DOCK1: variants seen among roughly 807,000 people sequenced by gnomAD.
The protein encoded by DOCK1 is dedicator of cytokinesis protein 1.
A neutral mutation model predicts 262.7 loss-of-function variants in DOCK1; 138 were observed. The observed-to-expected ratio is 0.53, with a 90% confidence interval of 0.46 to 0.61. DOCK1 has a LOEUF of 0.61. DOCK1 is among the 20% of genes least tolerant of loss of function. The pLI, the probability that DOCK1 is intolerant of heterozygous loss-of-function variation, is 0.00. For synonymous variants in DOCK1, 866 were observed against 867.4 expected, an observed-to-expected ratio of 1.00 and a Z score of 0.03; for missense variants, 1,908 against 2,370.7, an observed-to-expected ratio of 0.80 and a Z score of 4.05.
intron 1 of DOCK1, among the ~76,000 whole-genome samples, chr10:126,948,565 G>T (rs2035829789): frequency 6.6e-6 from 1 of 151,890 alleles, no homozygotes; most frequent in African/African-American, 2.4e-5. Flanking sequence ...GGTGGGGTCG[G>T]GATAGGCACC....
chr10:127,043,197 T>A, intron 21 of DOCK1, 33 bp downstream of exon 21: 2 of 1,490,186 alleles, frequency 1.3e-6, no homozygotes, highest in African/African-American at 1.4e-5. Context: ...AACCAATACT[T>A]CTTTTTTTGG....
Position 127,401,521 on chromosome 10 carries a change from G to A in DOCK1, c.3928-1534G>A, listed in dbSNP as rs559708332. Reference sequence around the variant, plus strand: ...GATATGCTGGCCTACTTCCAGCGTCGTGCACCCCTTTTCCGGTGGAATGCC... The same window carrying A: ...GATATGCTGGCCTACTTCCAGCGTCATGCACCCCTTTTCCGGTGGAATGCC... On this transcript the variant is annotated intron_variant, in intron 38 of 51. Coordinates refer to ENST00000623213, the MANE Select transcript of DOCK1 (RefSeq NM_001290223.2). Among the ~76,000 whole-genome samples the A allele has an allele frequency of 1.9e-4, 29 of 152,208 alleles. 2 individuals carry two copies. The highest frequency in any genetic ancestry group is 1.2e-3 in the East Asian group (6 of 5,174).
intron 29 of DOCK1, among the ~76,000 whole-genome samples, chr10:127,315,079 G>A (rs1170654706): frequency 3.3e-5 from 5 of 152,292 alleles, no homozygotes; most frequent in East Asian, 1.9e-4. Context: ...GAGGCTCCTC[G>A]TCATAGGGTG....
rs1454263707 is a variant in DOCK1 at position 127,020,478 on chromosome 10, G to A, written c.1327+1643G>A. On this transcript the variant is annotated intron_variant, in intron 13 of 51. Transcript: ENST00000623213. ...GGTACTAGGGAGGCTGAGGTGGGAG[G>A]ATCCCTGGAGCACAGGAGGTCAAAG... is the stretch of plus-strand genomic sequence containing the variant. Among the ~76,000 whole-genome samples, 4 of 151,176 alleles carry A rather than the reference G, an allele frequency of 2.6e-5. No homozygotes were observed. The South Asian group carries it at 8.4e-4, about 32-fold the overall frequency.
In DOCK1 at chr10:127,262,426, A is replaced by G. The variant is rs190720797; in HGVS notation, c.3044+4997A>G. 8.9e-4 allele frequency among the ~76,000 whole-genome samples: 135 copies of G among 152,302 alleles called. 1 individual carries two copies. Among genetic ancestry groups the G allele is most frequent in the South Asian group, 2.1e-3 (10 of 4,826 alleles). The stretch of plus-strand genomic sequence containing the variant: ...CAAGCTCCCAAGCCCACACAGCACA[A>G]GAGTCAGCCACCGAGGAGGCATTTT... On this transcript the variant is annotated intron_variant, in intron 29 of 51. Transcript: ENST00000623213.
chr10:127,110,396 A>T (rs2048795100), intron 25 of DOCK1, 42 bp downstream of exon 25: 3 of 1,554,072 alleles, frequency 1.9e-6, no homozygotes, highest in Non-Finnish European at 2.6e-6. Flanking sequence ...CCTGTTATTT[A>T]TTTTCTGAAG....
At chr10:126,913,998 G>T (rs969650442) in intron 1 of DOCK1, among the ~76,000 whole-genome samples, 1 of 152,178 alleles carries the variant, frequency 6.6e-6, no homozygotes, top group African/African-American at 2.4e-5. Flanking sequence ...CCGGGCCCAT[G>T]GTCTGTGCTT....
intron 23 of DOCK1, among the ~76,000 whole-genome samples, chr10:127,075,859 C>G (rs563436921): frequency 6.6e-6 from 1 of 152,100 alleles, no homozygotes; most frequent in African/African-American, 2.4e-5. Context: ...TCCATGTTGC[C>G]CAGGCTGAGT....
chr10:127,244,017 C>G (rs2059351238), intron 27 of DOCK1, among the ~76,000 whole-genome samples: 1 of 152,050 alleles, frequency 6.6e-6, no homozygotes, highest in South Asian at 2.1e-4. Context: ...TTTTCTCATG[C>G]TATTAAAATA....
intron 21 of DOCK1, among the ~76,000 whole-genome samples, chr10:127,048,425 CAG>C (rs1486165928): frequency 6.6e-6 from 1 of 150,518 alleles, no homozygotes; most frequent in Non-Finnish European, 1.5e-5. Context: ...TTTTTTTTGT[CAG>C]ACATGATTTT....
intron 43 of DOCK1, among the ~76,000 whole-genome samples, chr10:127,411,645 A>C (rs2067853636): frequency 6.6e-6 from 1 of 152,132 alleles, no homozygotes; most frequent in Non-Finnish European, 1.5e-5. Flanking sequence ...GTTCGAGACC[A>C]GCCTGACCAA....
chr10:126,913,662 C>G (rs1047083248), intron 1 of DOCK1, among the ~76,000 whole-genome samples: 1 of 152,306 alleles, frequency 6.6e-6, no homozygotes, highest in East Asian at 1.9e-4. Context: ...CCCACATGCA[C>G]GTGGGAAACT....
At chr10:126,921,949 T>C (rs1395883500) in intron 1 of DOCK1, among the ~76,000 whole-genome samples, 1 of 152,034 alleles carries the variant, frequency 6.6e-6, no homozygotes, top group Non-Finnish European at 1.5e-5. Flanking sequence ...CAGTGGTTCA[T>C]GCCTGTGGCC....
intron 34 of DOCK1, 40 bp from the exon 35 acceptor site, chr10:127,374,018 T>C: frequency 6.4e-7 from 1 of 1,572,262 alleles, no homozygotes; most frequent in East Asian, 2.3e-5. Context: ...AGTTTCTTTT[T>C]CTGAGTGTGA....
At chr10:127,094,161 T>C (rs2047758358) in intron 23 of DOCK1, among the ~76,000 whole-genome samples, 1 of 152,108 alleles carries the variant, frequency 6.6e-6, no homozygotes, top group African/African-American at 2.4e-5. Flanking sequence ...TCCGCAGCAC[T>C]CCAGCCTGGG....
intron 29 of DOCK1, among the ~76,000 whole-genome samples, chr10:127,303,813 C>G (rs1215081663): frequency 2.0e-5 from 3 of 152,154 alleles, no homozygotes; most frequent in African/African-American, 4.8e-5. Flanking sequence ...GAGCTGTGAT[C>G]CCACCACTGT....
At chr10:127,132,741 C>G (rs370189158) in intron 27 of DOCK1, among the ~76,000 whole-genome samples, 15 of 152,228 alleles carry the variant, frequency 9.9e-5, no homozygotes, top group African/African-American at 2.6e-4. Flanking sequence ...TCCTGTGATA[C>G]GCGCTGCTGT....
intron 23 of DOCK1, among the ~76,000 whole-genome samples, chr10:127,073,303 A>T (rs2046337547): frequency 6.6e-6 from 1 of 152,194 alleles, no homozygotes; most frequent in Admixed American, 6.5e-5. Context: ...TGACCAACTG[A>T]TTCCGAAGTT....
intron 27 of DOCK1, among the ~76,000 whole-genome samples, chr10:127,233,184 C>A (rs1040022625): frequency 6.6e-6 from 1 of 151,958 alleles, no homozygotes; most frequent in African/African-American, 2.4e-5. Flanking sequence ...TTTTGTATTC[C>A]CTAATTAGAA....
Sources: allele counts gnomAD v4.1 joint callset (sites outside exome capture counted in the v4.1 genomes callset), GRCh38; gene constraint gnomAD v4.1.1; transcripts MANE v1.5; gene names NCBI Gene and HGNC (gene_info 2026-07-23, HGNC 2026-07-21).